The following SLC25A21 variants were observed in gnomAD, a reference collection of about 807,000 sequenced individuals.
The protein encoded by SLC25A21 is mitochondrial 2-oxodicarboxylate carrier.
SLC25A21 carries 47 observed loss-of-function variants against 43.8 expected under a neutral mutation model. That is an observed-to-expected ratio of 1.07 (90% CI 0.85 to 1.37). The LOEUF (loss-of-function observed/expected upper bound fraction) is 1.37. SLC25A21 is among the 40% of genes most tolerant of loss of function. The probability of loss-of-function intolerance (pLI) is 0.00; values close to 1 mark genes in which losing one functional copy is unlikely to be tolerated. For missense variants in SLC25A21, 352 were observed against 350.2 expected, an observed-to-expected ratio of 1.00 and a Z score of -0.04; for synonymous variants, 131 against 121.3, an observed-to-expected ratio of 1.08 and a Z score of -0.52.
chr14:37,080,798 C>T (rs1263276963), intron 1 of SLC25A21, among the ~76,000 whole-genome samples: 7 of 152,172 alleles, frequency 4.6e-5, no homozygotes, highest in Non-Finnish European at 8.8e-5. Flanking sequence ...AATTAAGATT[C>T]AGCATGCTCC....
At chr14:36,895,149 G>A (rs867234375) in intron 1 of SLC25A21, among the ~76,000 whole-genome samples, 4 of 152,148 alleles carry the variant, frequency 2.6e-5, no homozygotes, top group Admixed American at 6.5e-5. Context: ...GGTAGAATTC[G>A]GCTGTGAAGC....
At chr14:37,138,358 C>A (rs1393957474) in intron 1 of SLC25A21, among the ~76,000 whole-genome samples, 1 of 152,064 alleles carries the variant, frequency 6.6e-6, no homozygotes, top group Non-Finnish European at 1.5e-5. Flanking sequence ...TAAGATATGG[C>A]CTTTATGCCA....
At chr14:37,042,428 T>C (rs1961493125) in intron 1 of SLC25A21, among the ~76,000 whole-genome samples, 1 of 152,308 alleles carries the variant, frequency 6.6e-6, no homozygotes, top group South Asian at 2.1e-4. Flanking sequence ...CCAAAAGATG[T>C]CTAACAATTT....
intron 1 of SLC25A21, among the ~76,000 whole-genome samples, chr14:36,926,082 T>C (rs538828767): frequency 1.2e-3 from 180 of 152,158 alleles, no homozygotes; most frequent in African/African-American, 4.0e-3. Context: ...ACATGAAACA[T>C]TTACCAAAAT....
Position 36,971,078 on chromosome 14 carries a change from C to T in SLC25A21, c.71-96074G>A, listed in dbSNP as rs8018723. On this transcript the variant is annotated intron_variant, in intron 1 of 9. Transcript: ENST00000331299. Reference sequence around the variant, plus strand: ...TCAAAATGTTTACAGTTCAGGTAAACATGTGAGGTCATTAGGTGAGGCAAA... The same window carrying T: ...TCAAAATGTTTACAGTTCAGGTAAATATGTGAGGTCATTAGGTGAGGCAAA... Among the ~76,000 whole-genome samples the T allele has an allele frequency of 9.3e-3, 1,418 of 152,172 alleles. 19 individuals carry two copies. Among genetic ancestry groups the T allele is most frequent in the African/African-American group, 0.032 (1,335 of 41,512 alleles).
At chr14:36,867,472 G>A (rs1286036156) in intron 2 of SLC25A21, among the ~76,000 whole-genome samples, 1 of 152,098 alleles carries the variant, frequency 6.6e-6, no homozygotes, top group East Asian at 1.9e-4. Context: ...TAGCTCTGGA[G>A]GATACCGAAT....
chr14:36,945,380 T>A, intron 1 of SLC25A21, among the ~76,000 whole-genome samples: 1 of 152,030 alleles, frequency 6.6e-6, no homozygotes, highest in East Asian at 1.9e-4. Flanking sequence ...CCCAAAGAAC[T>A]GAAAGCAGAG....
At chr14:37,092,917 C>CCA (rs3061852) in intron 1 of SLC25A21, among the ~76,000 whole-genome samples, 46,887 of 150,476 alleles carry the variant, frequency 0.31, 7,261 homozygotes, top group Non-Finnish European at 0.33. Context: ...CATTTACACA[C>CCA]CACACACACA....
At chr14:36,753,127 A>C (rs1319402585) in intron 3 of SLC25A21, among the ~76,000 whole-genome samples, 1 of 152,158 alleles carries the variant, frequency 6.6e-6, no homozygotes, top group Non-Finnish European at 1.5e-5. Flanking sequence ...GGAAGATGAA[A>C]AGTTCTGGAG....
chr14:36,941,792 A>G (rs1410275302), intron 1 of SLC25A21, among the ~76,000 whole-genome samples: 1 of 152,186 alleles, frequency 6.6e-6, no homozygotes, highest in East Asian at 1.9e-4. Flanking sequence ...TATACAATAA[A>G]ATACTTAAAT....
At chr14:36,986,119 C>G (rs377503025) in intron 1 of SLC25A21, among the ~76,000 whole-genome samples, 2 of 152,220 alleles carry the variant, frequency 1.3e-5, no homozygotes, top group East Asian at 3.9e-4. Flanking sequence ...CTCTTTACAA[C>G]TGAAATCTCT....
intron 1 of SLC25A21, among the ~76,000 whole-genome samples, chr14:36,907,479 G>A (rs1006730838): frequency 3.3e-4 from 50 of 152,054 alleles, no homozygotes; most frequent in African/African-American, 1.1e-3. Flanking sequence ...AGAACTAACC[G>A]ACACAAACGA....
rs549400510 is a variant in SLC25A21, at chr14:37,117,682, C to T, written c.70+54599G>A. 5.3e-5 allele frequency among the ~76,000 whole-genome samples: 8 copies of T among 152,202 alleles called. No homozygotes were observed. The South Asian group carries it at 1.7e-3, about 32-fold the overall frequency. ...AAAATCCCAAGAGATGAAACTGATA[C>T]CTCTCTATGAAGAACTTTTAAGCTC... On this transcript the variant is annotated intron_variant, in intron 1 of 9. Transcript: ENST00000331299.
At chr14:37,072,422 C>T (rs1445400171) in intron 1 of SLC25A21, among the ~76,000 whole-genome samples, 1 of 152,060 alleles carries the variant, frequency 6.6e-6, no homozygotes, top group Admixed American at 6.6e-5. Context: ...TGTGCAGGGT[C>T]TTATGTGTGG....
intron 1 of SLC25A21, among the ~76,000 whole-genome samples, chr14:37,097,627 A>T (rs1021397940): frequency 2.6e-5 from 4 of 152,132 alleles, no homozygotes; most frequent in African/African-American, 9.7e-5. Context: ...TCACACCTGT[A>T]ATCCCGGCAC....
intron 7 of SLC25A21, among the ~76,000 whole-genome samples, chr14:36,696,741 G>T (rs990180460): frequency 1.3e-5 from 2 of 152,112 alleles, no homozygotes; most frequent in African/African-American, 4.8e-5. Context: ...ATTTCTGTGG[G>T]ATCGGTGCTG....
intron 1 of SLC25A21, among the ~76,000 whole-genome samples, chr14:37,021,325 TTACACCAAGTAAATAGGACAACAAA>T (rs1460528539): frequency 6.6e-6 from 1 of 151,946 alleles, no homozygotes; most frequent in East Asian, 1.9e-4. Flanking sequence ...TGACAACCTC[TTACACCAAGTAAATAGGACAACAAA>T]TACAGCACAC....
intron 1 of SLC25A21, among the ~76,000 whole-genome samples, chr14:37,148,632 A>G (rs1056055092): frequency 6.6e-6 from 1 of 152,206 alleles, no homozygotes; most frequent in Non-Finnish European, 1.5e-5. Flanking sequence ...ATGAAATTGA[A>G]TTGCTTTGTG....
chr14:37,034,024 CT>C (rs35599784), intron 1 of SLC25A21, among the ~76,000 whole-genome samples: 11 of 147,958 alleles, frequency 7.4e-5, no homozygotes, highest in East Asian at 2.0e-4. Context: ...CACAATTTTG[CT>C]TTTTTTTTTG....
Sources: gnomAD v4.1 joint callset for allele counts (sites outside exome capture counted in the v4.1 genomes callset) on GRCh38, gnomAD v4.1.1 for gene constraint, MANE v1.5 for transcripts, NCBI Gene and HGNC (gene_info 2026-07-23, HGNC 2026-07-21) for gene names.